TSGA10: variants seen among roughly 807,000 people sequenced by gnomAD.
The protein encoded by TSGA10 is testis specific 10, also known as testis-specific gene 10 protein.
Under a neutral mutation model 96.6 loss-of-function variants are expected in TSGA10, and 43 were observed. The observed-to-expected ratio is 0.44, with a 90% CI of 0.35 to 0.57. TSGA10 has a LOEUF of 0.57. Among genes scored for constraint, TSGA10 ranks in the 20% least tolerant of loss-of-function variants. The pLI, the probability that TSGA10 is intolerant of heterozygous loss-of-function variation, is 0.01. For synonymous variants in TSGA10, 229 were observed against 269.9 expected (o/e 0.85, Z 1.48); for missense variants, 703 against 834.4 (o/e 0.84, Z 1.94).
At chr2:99,022,293 C>T (rs181355607) in intron 17 of TSGA10, among the ~76,000 whole-genome samples, 5 of 146,632 alleles carry the variant, frequency 3.4e-5, no homozygotes, top group Admixed American at 6.9e-5. Context: ...CCACTGCACT[C>T]CAGCCTCGGC....
At chr2:99,085,280 T>C (rs1294299430) in intron 10 of TSGA10, among the ~76,000 whole-genome samples, 3 of 149,926 alleles carry the variant, frequency 2.0e-5, no homozygotes, top group African/African-American at 7.4e-5. Context: ...AAAAAATGCA[T>C]CCAAAAAAGT....
At chr2:99,063,146 G>A (rs781471603) in intron 16 of TSGA10, among the ~76,000 whole-genome samples, 107 of 152,180 alleles carry the variant, frequency 7.0e-4, no homozygotes, top group Non-Finnish European at 1.3e-3. Flanking sequence ...AAAGGACAAC[G>A]GATATCTATT....
chr2:99,091,678 GAAA>G (rs912846930), intron 10 of TSGA10, among the ~76,000 whole-genome samples: 15 of 151,924 alleles, frequency 9.9e-5, no homozygotes, highest in Non-Finnish European at 1.8e-4. Context: ...AAACAAATTT[GAAA>G]ACAACAGCAG....
At chr2:99,100,822 A>AG (rs2090618883) in intron 10 of TSGA10, among the ~76,000 whole-genome samples, 1 of 150,278 alleles carries the variant, frequency 6.7e-6, no homozygotes, top group African/African-American at 2.4e-5. Flanking sequence ...TCCGTCTCAA[A>AG]AAAAAAAAAA....
intron 10 of TSGA10, among the ~76,000 whole-genome samples, chr2:99,088,573 C>T (rs895291315): frequency 1.3e-5 from 2 of 152,086 alleles, no homozygotes; most frequent in African/African-American, 4.8e-5. Context: ...TTTAAAAGGG[C>T]TGCATTATAA....
At chr2:99,016,751 A>G (rs1003607887) in intron 20 of TSGA10, among the ~76,000 whole-genome samples, 47 of 152,254 alleles carry the variant, frequency 3.1e-4, no homozygotes, top group African/African-American at 9.9e-4. Flanking sequence ...GCATCCAGCA[A>G]AGGACTAATA....
At chr2:99,029,071 G>A (rs908640079) in intron 17 of TSGA10, among the ~76,000 whole-genome samples, 12 of 152,172 alleles carry the variant, frequency 7.9e-5, no homozygotes, top group African/African-American at 2.7e-4. Flanking sequence ...AAGGCCAGAA[G>A]GAAATGTGAC....
intron 17 of TSGA10, among the ~76,000 whole-genome samples, chr2:99,028,780 T>C (rs1245842730): frequency 6.6e-6 from 1 of 152,214 alleles, no homozygotes; most frequent in African/African-American, 2.4e-5. Flanking sequence ...ACTGGTCTAT[T>C]GTTTCCATTT....
intron 10 of TSGA10, among the ~76,000 whole-genome samples, chr2:99,088,711 GC>G (rs1198931478): frequency 6.6e-6 from 1 of 152,058 alleles, no homozygotes; most frequent in Non-Finnish European, 1.5e-5. Flanking sequence ...AAAAACATAT[GC>G]CCATAAAAGG....
intron 20 of TSGA10, among the ~76,000 whole-genome samples, chr2:99,002,477 T>C (rs944854960): frequency 2.0e-5 from 3 of 152,140 alleles, no homozygotes; most frequent in Non-Finnish European, 2.9e-5. Flanking sequence ...AAAGAGCTCC[T>C]GAAGGAAGCA....
intron 16 of TSGA10, among the ~76,000 whole-genome samples, chr2:99,041,618 T>TG (rs1439420190): frequency 6.6e-6 from 1 of 152,150 alleles, no homozygotes; most frequent in East Asian, 1.9e-4. Flanking sequence ...CTGAGATAAT[T>TG]GGCAAGCTAT....
In TSGA10 at chr2:99,154,842, A is replaced by G. The variant is rs1228733408; in HGVS notation, c.-770T>C. On this transcript the variant is annotated 5_prime_UTR_variant, in exon 1 of 21. Transcript: ENST00000393483. ...CCGCCCTGAAGGACCCTTACTTAGC[A>G]CTCCTGCGGGCTGCCGGGACCCCAC... The G allele has an allele frequency of 5.8e-6, 2 of 343,778 alleles. No individual in the cohort carries two copies. The highest frequency in any genetic ancestry group is 1.2e-5 in the Non-Finnish European group (2 of 173,486). The allele number at this position is 343,778 out of a possible 1,614,324, so 21.3% of individuals were successfully genotyped here.
chr2:99,071,746 T>C lies in TSGA10; in HGVS notation c.1067A>G (p.Asn356Ser), dbSNP rs148298077. ...AGCTTTAGCAAACTGTTCCTGGAGATTGTCATTGTCATGAGCCAAGATATC... is the reference window on the plus strand; with the variant it reads ...AGCTTTAGCAAACTGTTCCTGGAGACTGTCATTGTCATGAGCCAAGATATC... Reference protein sequence around the residue: ...ERDILAHDNDNLQEQFAKAKQ... With the variant: ...ERDILAHDNDSLQEQFAKAKQ... The change falls in exon 14 of 21, where the codon AAT (asparagine) becomes AGT (serine). Residue 356 changes from asparagine to serine, a missense_variant. Asn to Ser is a conservative substitution (Grantham distance 46). This residue lies in a region of TSGA10 where 585 missense variants were observed against 656.8 expected (regional missense o/e 0.89). Coordinates refer to ENST00000393483, the MANE Select transcript of TSGA10 (RefSeq NM_025244.4). 2.2e-5 allele frequency: 35 copies of C among 1,613,880 alleles called. No homozygotes were observed. The highest frequency in any genetic ancestry group is 2.9e-5 in the Non-Finnish European group (34 of 1,179,902).
intron 10 of TSGA10, among the ~76,000 whole-genome samples, chr2:99,088,297 T>C (rs1430199691): frequency 1.3e-5 from 2 of 152,244 alleles, no homozygotes; most frequent in Non-Finnish European, 2.9e-5. Context: ...TATGTGGTTA[T>C]AATTAGTTAT....
chr2:99,099,554 C>T (rs62156369), intron 10 of TSGA10, among the ~76,000 whole-genome samples: 15 of 151,944 alleles, frequency 9.9e-5, no homozygotes, highest in Non-Finnish European at 1.8e-4. Context: ...ATAATGTGAC[C>T]ATCTAAATAC....
chr2:99,113,534 T>C (rs777805541), intron 4 of TSGA10, among the ~76,000 whole-genome samples: 11 of 152,146 alleles, frequency 7.2e-5, no homozygotes, highest in Non-Finnish European at 1.3e-4. Flanking sequence ...GCCATGACTG[T>C]GGCAATCAGC....
chr2:99,052,850 C>G (rs1290908642), intron 16 of TSGA10, among the ~76,000 whole-genome samples: 1 of 152,088 alleles, frequency 6.6e-6, no homozygotes, highest in East Asian at 1.9e-4. Context: ...AGGTGGATCA[C>G]CTGAGCTCAG....
intron 20 of TSGA10, among the ~76,000 whole-genome samples, chr2:99,005,910 A>G (rs1573376166): frequency 6.6e-6 from 1 of 152,358 alleles, no homozygotes; most frequent in South Asian, 2.1e-4. Context: ...AGGCTACAGT[A>G]ACCAAAACAG....
chr2:99,032,254 T>C lies in TSGA10; in HGVS notation c.1614+2976A>G, dbSNP rs143170883. 1.4e-3 allele frequency among the ~76,000 whole-genome samples: 220 copies of C among 152,236 alleles called. 1 individual carries two copies. The East Asian group carries it at 0.03, about 20-fold the overall frequency. ...TTTTGGTAAACCCACAAGCTAACCA[T>C]AGCCAAAATGAGTAAAAAACAAACA... On this transcript the variant is annotated intron_variant, in intron 17 of 20. Coordinates refer to ENST00000393483, the MANE Select transcript of TSGA10 (RefSeq NM_025244.4).
Sources: allele counts gnomAD v4.1 joint callset (sites outside exome capture counted in the v4.1 genomes callset), GRCh38; gene constraint gnomAD v4.1.1; regional missense constraint gnomAD v4.1.1; transcripts MANE v1.5; gene names NCBI Gene and HGNC (gene_info 2026-07-23, HGNC 2026-07-21).